Variants in PHKG2 observed in about 807,000 individuals in gnomAD.
The protein encoded by PHKG2 is phosphorylase kinase catalytic subunit gamma 2, also known as phosphorylase b kinase gamma catalytic chain, liver/testis isoform.
Under a neutral mutation model 44.5 loss-of-function variants are expected in PHKG2, and 28 were observed. The ratio of observed to expected loss-of-function variants is 0.63; its 90% CI spans 0.47 to 0.86. The LOEUF (loss-of-function observed/expected upper bound fraction) is 0.86. PHKG2 is among the 40% of genes least tolerant of loss of function. PHKG2 has a pLI of 0.00. For missense variants in PHKG2, 498 were observed against 547.5 expected (o/e 0.91, Z 0.90); for synonymous variants, 220 against 211.2 (o/e 1.04, Z -0.36).
Position 30,757,108 on chromosome 16 carries a change from C to A in PHKG2, c.*11C>A. The A allele has an allele frequency of 6.2e-7, 1 of 1,612,802 alleles. No individual in the cohort carries two copies. Among genetic ancestry groups the A allele is most frequent in the South Asian group, 1.1e-5 (1 of 91,078 alleles). On this transcript the variant is annotated 3_prime_UTR_variant, in exon 10 of 10. Transcript: ENST00000563588. ...CTTGTGCTGGGCTAGGACCTCAACCCCAGGGATTCCCAGGAAGCAGAACTC... is the reference window on the plus strand; with the variant it reads ...CTTGTGCTGGGCTAGGACCTCAACCACAGGGATTCCCAGGAAGCAGAACTC...
Position 30,758,954 on chromosome 16 carries a change from C to T in PHKG2, c.*1857C>T. On this transcript the variant is annotated 3_prime_UTR_variant, in exon 10 of 10. Coordinates refer to ENST00000563588, the MANE Select transcript of PHKG2 (RefSeq NM_000294.3). ...GTCTGAAGTCCTGATGTCATCCAAA[C>T]CCTTCATTCTACACCTGCTCAGAGG... The T allele has an allele frequency of 6.2e-7, 1 of 1,604,474 alleles. No homozygotes were observed. The highest frequency in any genetic ancestry group is 8.5e-7 in the Non-Finnish European group (1 of 1,175,584).
In PHKG2 at chr16:30,750,247, A is replaced by C. The variant is rs145737937; in HGVS notation, c.96-859A>C. Among the ~76,000 whole-genome samples, 3 of 152,356 alleles carry C rather than the reference A, an allele frequency of 2.0e-5. No individual in the cohort carries two copies. The East Asian group carries it at 5.8e-4, about 29-fold the overall frequency. The stretch of plus-strand genomic sequence containing the variant: ...AATTGCACCGGCCAAAACGTAACAC[A>C]TCTGAGGGCTGTGTTTGGCCTGTGG... On this transcript the variant is annotated intron_variant, in intron 2 of 9. Coordinates refer to ENST00000563588, the MANE Select transcript of PHKG2 (RefSeq NM_000294.3).
intron 6 of PHKG2, 73 bp from the exon 7 acceptor site, chr16:30,756,109 C>T (rs1399468939): frequency 2.5e-5 from 28 of 1,129,588 alleles, no homozygotes; most frequent in Admixed American, 8.4e-5. Flanking sequence ...TGAGGAGGCT[C>T]CAGCAGAGAT....
At position 30,760,790 on chromosome 16, in the gene PHKG2, CTGTG is replaced by C; in HGVS notation, c.*3696_*3699del. ...GAAGCTGGGCTCTTTTGCCAGCTTG[CTGTG>C]TGACTATGCAAATCGTTAACTCTCT... On this transcript the variant is annotated 3_prime_UTR_variant, in exon 10 of 10. Transcript: ENST00000563588. 1.2e-6 allele frequency: 1 copy of C among 839,402 alleles called. No individual in the cohort carries two copies. Among genetic ancestry groups the C allele is most frequent in the Non-Finnish European group, 2.0e-6 (1 of 509,036 alleles). The allele number at this position is 839,402 out of a possible 1,614,324, so 52.0% of individuals were successfully genotyped here.
chr16:30,760,535 T>C lies in PHKG2; in HGVS notation c.*3438T>C. 6.2e-7 allele frequency: 1 copy of C among 1,603,352 alleles called. No individual in the cohort carries two copies. Among genetic ancestry groups the C allele is most frequent in the Non-Finnish European group, 8.5e-7 (1 of 1,174,532 alleles). ...CACCACATGCTTTGGAGTCAGCCAT[T>C]CCTCATGTTTTCCCAACCTGACCCC... On this transcript the variant is annotated 3_prime_UTR_variant, in exon 10 of 10. Transcript: ENST00000563588.
chr16:30,757,907 C>T lies in PHKG2; in HGVS notation c.*810C>T, dbSNP rs181307107. On this transcript the variant is annotated 3_prime_UTR_variant, in exon 10 of 10. Transcript: ENST00000563588. The stretch of plus-strand genomic sequence containing the variant: ...GTGTGACCTTAGGCAGGTTATTTAA[C>T]CTATCTGTGCCTCAGTTTCCTTGTA... 9 of 945,990 alleles carry T rather than the reference C, an allele frequency of 9.5e-6. No homozygotes were observed. In the Admixed American group the frequency reaches 1.9e-4, roughly 20 times the overall value. The allele number at this position is 945,990 out of a possible 1,614,324, so 58.6% of individuals were successfully genotyped here. A position where few individuals can be genotyped will look rare whatever the true frequency, so the allele number is the denominator to read the frequency against.
Position 30,757,874 on chromosome 16 carries a change from CAGT to C in PHKG2, c.*780_*782del, listed in dbSNP as rs1461793172. On this transcript the variant is annotated 3_prime_UTR_variant, in exon 10 of 10. Coordinates refer to ENST00000563588, the MANE Select transcript of PHKG2 (RefSeq NM_000294.3). ...GCAGCTTCAAATTCTGATCCCTACT[CAGT>C]AGCTGTGTGACCTTAGGCAGGTTAT... 2.3e-6 allele frequency: 3 copies of C among 1,319,068 alleles called. No homozygotes were observed. The African/African-American group carries it at 4.5e-5, about 20-fold the overall frequency. 81.7% of individuals were successfully genotyped at this position (1,319,068 alleles called of 1,614,324 possible). A position where few individuals can be genotyped will look rare whatever the true frequency, so the allele number is the denominator to read the frequency against.
chr16:30,751,331 C>G lies in PHKG2; in HGVS notation c.271+50C>G, dbSNP rs754494810. ...TTAGCAGACGACCCCCCACCTCCTG[C>G]TGGCCCTGCCCATAGCCCACTTCCG... is the stretch of plus-strand genomic sequence containing the variant. On this transcript the variant is annotated intron_variant, in intron 3 of 9. Transcript: ENST00000563588. The G allele has an allele frequency of 5.1e-6, 8 of 1,581,874 alleles. No individual in the cohort carries two copies. The East Asian group carries it at 1.8e-4, about 35-fold the overall frequency.
chr16:30,757,591 T>C lies in PHKG2; in HGVS notation c.*494T>C. The stretch of plus-strand genomic sequence containing the variant: ...CTTGAGCCGCTCCTCCACCAGCCCC[T>C]GGAGCTGCTCCAGCTCTTTGTTCAC... On this transcript the variant is annotated 3_prime_UTR_variant, in exon 10 of 10. Coordinates refer to ENST00000563588, the MANE Select transcript of PHKG2 (RefSeq NM_000294.3). 1 of 1,614,190 alleles carries C rather than the reference T, an allele frequency of 6.2e-7. No homozygotes were observed.
rs2053737011 is a variant in PHKG2, at chr16:30,760,999, C to T, written c.*3902C>T. The T allele has an allele frequency of 1.6e-6, 1 of 638,060 alleles. No homozygotes were observed. The highest frequency in any genetic ancestry group is 2.9e-5 in the Admixed American group (1 of 34,408). The allele number at this position is 638,060 out of a possible 1,614,324, so 39.5% of individuals were successfully genotyped here. ...CCATGAGACTCCATTTACATTCTGTCTTTGGCTCTTTTTTTCTCACACTGC... is the reference window on the plus strand; with the variant it reads ...CCATGAGACTCCATTTACATTCTGTTTTTGGCTCTTTTTTTCTCACACTGC... On this transcript the variant is annotated 3_prime_UTR_variant, in exon 10 of 10. Transcript: ENST00000563588.
chr16:30,753,530 C>G lies in PHKG2; in HGVS notation c.529C>G (p.His177Asp), dbSNP rs45612445. 5 of 1,614,084 alleles carry G rather than the reference C, an allele frequency of 3.1e-6. No individual in the cohort carries two copies. The highest frequency in any genetic ancestry group is 4.2e-6 in the Non-Finnish European group (5 of 1,180,018). The change falls in exon 6 of 10, where the codon CAC (histidine) becomes GAC (aspartate). Residue 177 changes from histidine to aspartate, a missense_variant. By Grantham distance (81) the His-to-Asp change is moderately conservative. Transcript: ENST00000563588. ...ACTTTCAGATTTCGGGTTCTCCTGC[C>G]ACTTGGAACCTGGCGAGAAGCTTCG... ...IRLSDFGFSC[H>D]LEPGEKLREL...
chr16:30,751,260 G>A lies in PHKG2; in HGVS notation c.250G>A (p.Val84Ile), dbSNP rs2053339609. 1.2e-6 allele frequency: 2 copies of A among 1,610,860 alleles called. No homozygotes were observed. The highest frequency in any genetic ancestry group is 1.7e-5 in the Admixed American group (1 of 60,020). Residue 84 changes from valine to isoleucine, a missense_variant, in exon 3 of 10, where the codon GTC becomes ATC. Coordinates refer to ENST00000563588, the MANE Select transcript of PHKG2 (RefSeq NM_000294.3). ...GCGAGAGACACACATCCTTCGCCAG[G>A]TCGCCGGCCACCCCCACATCAGTGA... is the stretch of plus-strand genomic sequence containing the variant. ...TRRETHILRQ[V>I]AGHPHIITLI...
Position 30,757,473 on chromosome 16 carries a change from G to A in PHKG2, c.*376G>A. 8 of 1,612,198 alleles carry A rather than the reference G, an allele frequency of 5.0e-6. No individual in the cohort carries two copies. Among genetic ancestry groups the A allele is most frequent in the Non-Finnish European group, 6.8e-6 (8 of 1,178,746 alleles). Reference sequence around the variant, plus strand: ...AGACCTTTATTGGGGAAAATGTTGGGGGTCACTTGGTCTTGCTCTTGCCTT... The same window carrying A: ...AGACCTTTATTGGGGAAAATGTTGGAGGTCACTTGGTCTTGCTCTTGCCTT... On this transcript the variant is annotated 3_prime_UTR_variant, in exon 10 of 10. Transcript: ENST00000563588.
chr16:30,758,911 TCTGA>T lies in PHKG2; in HGVS notation c.*1817_*1820del. 6.5e-7 allele frequency: 1 copy of T among 1,531,316 alleles called. No homozygotes were observed. Among genetic ancestry groups the T allele is most frequent in the Non-Finnish European group, 8.7e-7 (1 of 1,144,650 alleles). 94.9% of individuals were successfully genotyped at this position (1,531,316 alleles called of 1,614,324 possible). On this transcript the variant is annotated 3_prime_UTR_variant, in exon 10 of 10. Coordinates refer to ENST00000563588, the MANE Select transcript of PHKG2 (RefSeq NM_000294.3). ...ATAAGGGATCATTTAGAGAAAGGAC[TCTGA>T]CTAAAAACAAAAAGTCTGAAGTCCT...
In PHKG2 at chr16:30,749,105, G is replaced by A. The variant is rs2053301950; in HGVS notation, c.95+190G>A. Among the ~76,000 whole-genome samples, 2 of 39,490 alleles carry A rather than the reference G, an allele frequency of 5.1e-5. 1 individual carries two copies. The highest frequency in any genetic ancestry group is 1.3e-4 in the Non-Finnish European group (2 of 15,692). The allele number at this position is 39,490 out of a possible 152,430, so 25.9% of individuals were successfully genotyped here. A position where few individuals can be genotyped will look rare whatever the true frequency, so the allele number is the denominator to read the frequency against. On this transcript the variant is annotated intron_variant, in intron 2 of 9. Coordinates refer to ENST00000563588, the MANE Select transcript of PHKG2 (RefSeq NM_000294.3). ...TGGTGGTGGTGCTGCTGCTGCTGCTGCTGCTGGTGGTGCTGGTGCTGGTGG... is the reference window on the plus strand; with the variant it reads ...TGGTGGTGGTGCTGCTGCTGCTGCTACTGCTGGTGGTGCTGGTGCTGGTGG...
chr16:30,758,830 T>G lies in PHKG2; in HGVS notation c.*1733T>G. On this transcript the variant is annotated 3_prime_UTR_variant, in exon 10 of 10. Coordinates refer to ENST00000563588, the MANE Select transcript of PHKG2 (RefSeq NM_000294.3). ...TCAGATTGTGCTGGGATTACAGGTG[T>G]GAGCCACCACGCCTGGCCTGCAGCT... 6 of 1,059,552 alleles carry G rather than the reference T, an allele frequency of 5.7e-6. No homozygotes were observed. The highest frequency in any genetic ancestry group is 6.6e-6 in the Non-Finnish European group (5 of 756,250). The allele number at this position is 1,059,552 out of a possible 1,614,324, so 65.6% of individuals were successfully genotyped here.
At position 30,760,683 on chromosome 16, in the gene PHKG2, GAA is replaced by G. The variant is rs35446957; in HGVS notation, c.*3590_*3591del. 0.3 allele frequency: 461,913 copies of G among 1,549,660 alleles called. 82,662 individuals are homozygous for G. The highest frequency in any genetic ancestry group is 0.67 in the South Asian group (56,431 of 84,016). On this transcript the variant is annotated 3_prime_UTR_variant, in exon 10 of 10. Coordinates refer to ENST00000563588, the MANE Select transcript of PHKG2 (RefSeq NM_000294.3). ...CCAGGTACTTCCTGTTATAGTAAAA[GAA>G]AAAGAGTATTGGTGGCCGTTACCTA...
rs1443362269 is a variant in PHKG2, at chr16:30,759,526, C to G, written c.*2429C>G. On this transcript the variant is annotated 3_prime_UTR_variant, in exon 10 of 10. Transcript: ENST00000563588. ...AGCCCTGGCTTTGCCTCCAAAAGCC[C>G]AGCAACAGGAGCAAGGAGAGCCCAC... 1 of 1,614,024 alleles carries G rather than the reference C, an allele frequency of 6.2e-7. No homozygotes were observed.
At position 30,760,846 on chromosome 16, in the gene PHKG2, C is replaced by G; in HGVS notation, c.*3749C>G. 2 of 642,392 alleles carry G rather than the reference C, an allele frequency of 3.1e-6. No individual in the cohort carries two copies. Among genetic ancestry groups the G allele is most frequent in the Admixed American group, 5.1e-5 (2 of 39,478 alleles). The allele number at this position is 642,392 out of a possible 1,614,324, so 39.8% of individuals were successfully genotyped here. A position where few individuals can be genotyped will look rare whatever the true frequency, so the allele number is the denominator to read the frequency against. On this transcript the variant is annotated 3_prime_UTR_variant, in exon 10 of 10. Transcript: ENST00000563588. ...GGCCTAAATGAACTCTTATGAGCCTCTCCATTTCTAAAGCCTAGGGTTAGG... is the reference window on the plus strand; with the variant it reads ...GGCCTAAATGAACTCTTATGAGCCTGTCCATTTCTAAAGCCTAGGGTTAGG...
Sources: gnomAD v4.1 joint callset for allele counts (sites outside exome capture counted in the v4.1 genomes callset) on GRCh38, gnomAD v4.1.1 for gene constraint, MANE v1.5 for transcripts, NCBI Gene and HGNC (gene_info 2026-07-23, HGNC 2026-07-21) for gene names.